The following PTPRD variants were observed in gnomAD, a reference collection of about 807,000 sequenced individuals.
PTPRD encodes the protein receptor-type tyrosine-protein phosphatase delta.
PTPRD carries 34 observed loss-of-function variants against 214.5 expected under a neutral mutation model. The observed-to-expected ratio is 0.16, with a 90% CI of 0.12 to 0.21. The LOEUF is 0.21. Ranked by LOEUF, PTPRD falls within the 10% of genes least tolerant of loss-of-function variation. The pLI, the probability that PTPRD is intolerant of heterozygous loss-of-function variation, is 1.00. For missense variants in PTPRD, 2,545 were observed against 2,398.7 expected, an observed-to-expected ratio of 1.06 and a Z score of -1.27; for synonymous variants, 1,128 against 845.7, an observed-to-expected ratio of 1.33 and a Z score of -5.79.
At chr9:10,001,867 G>A (rs1233288194) in intron 4 of PTPRD, among the ~76,000 whole-genome samples, 3 of 151,974 alleles carry the variant, frequency 2.0e-5, no homozygotes, top group Non-Finnish European at 4.4e-5. Flanking sequence ...AAAGAGTACA[G>A]ACAAACAAAC....
chr9:8,561,691 T>C (rs925608667), intron 14 of PTPRD, among the ~76,000 whole-genome samples: 5 of 151,746 alleles, frequency 3.3e-5, no homozygotes, highest in African/African-American at 4.8e-5. Flanking sequence ...TTCAGTGATA[T>C]ATAAATTCAA....
At chr9:9,231,667 C>T (rs971965316) in intron 9 of PTPRD, among the ~76,000 whole-genome samples, 1 of 151,962 alleles carries the variant, frequency 6.6e-6, no homozygotes. Flanking sequence ...CTTGTAATCT[C>T]TATTAAGTAT....
At chr9:9,889,809 G>GTGTA (rs1456104261) in intron 5 of PTPRD, among the ~76,000 whole-genome samples, 1 of 143,072 alleles carries the variant, frequency 7.0e-6, no homozygotes, top group South Asian at 2.1e-4. Context: ...GTGTGTGTGT[G>GTGTA]TGTATGTGTG....
chr9:9,292,641 T>C (rs575317850), intron 9 of PTPRD, among the ~76,000 whole-genome samples: 115 of 151,592 alleles, frequency 7.6e-4, no homozygotes, highest in Non-Finnish European at 1.3e-3. Context: ...TTATTCAGAT[T>C]GCCTTAGTTA....
At chr9:9,572,459 C>T (rs1237997094) in intron 8 of PTPRD, among the ~76,000 whole-genome samples, 1 of 150,852 alleles carries the variant, frequency 6.6e-6, no homozygotes, top group African/African-American at 2.4e-5. Flanking sequence ...GGCAAGTACA[C>T]ATTTGCAGAA....
At chr9:9,544,393 G>T (rs770806955) in intron 8 of PTPRD, among the ~76,000 whole-genome samples, 1 of 151,354 alleles carries the variant, frequency 6.6e-6, no homozygotes, top group Non-Finnish European at 1.5e-5. Context: ...TTTTAAGTCC[G>T]ACTTCATTTT....
At chr9:9,792,648 G>C (rs1042631656) in intron 5 of PTPRD, among the ~76,000 whole-genome samples, 2 of 152,050 alleles carry the variant, frequency 1.3e-5, no homozygotes, top group African/African-American at 4.8e-5. Flanking sequence ...ACACTCAGTG[G>C]CTTCAAGCTC....
chr9:8,712,029 T>C (rs952404000), intron 12 of PTPRD, among the ~76,000 whole-genome samples: 1 of 152,170 alleles, frequency 6.6e-6, no homozygotes, highest in Admixed American at 6.5e-5. Context: ...AATGAATACA[T>C]AACTATGCAT....
At chr9:9,882,653 C>T (rs1395814552) in intron 5 of PTPRD, among the ~76,000 whole-genome samples, 1 of 152,126 alleles carries the variant, frequency 6.6e-6, no homozygotes, top group Non-Finnish European at 1.5e-5. Flanking sequence ...CTGTTGAATT[C>T]TCCATTTAGG....
intron 12 of PTPRD, among the ~76,000 whole-genome samples, chr9:8,704,758 C>CAAAAAAAAAAAAAAAAA (rs569357894): frequency 7.3e-6 from 1 of 137,886 alleles, no homozygotes. Context: ...ACTAAAAATA[C>CAAAAAAAAAAAAAAAAA]AAAAAAAAAA....
At position 8,389,206 on chromosome 9, in the gene PTPRD, G is replaced by C. The variant is rs145485748; in HGVS notation, c.4386+26C>G. ...GGACTCTGAGGGAAAATTTTTAAAA[G>C]GAAAGAGGTGGATACTTATTCTTAC... On this transcript the variant is annotated intron_variant, in intron 37 of 45. Coordinates refer to ENST00000381196, the MANE Select transcript of PTPRD (RefSeq NM_002839.4). 2.2e-4 allele frequency: 346 copies of C among 1,574,350 alleles called. 2 individuals are homozygous for C. In the Admixed American group the frequency reaches 5.7e-3, roughly 26 times the overall value.
At chr9:9,318,061 CT>C (rs1318315031) in intron 9 of PTPRD, among the ~76,000 whole-genome samples, 2 of 151,918 alleles carry the variant, frequency 1.3e-5, no homozygotes, top group Admixed American at 6.6e-5. Flanking sequence ...ATCCCAGCTA[CT>C]TGGGAAGCTG....
At chr9:10,421,951 G>A (rs941040238) in intron 2 of PTPRD, among the ~76,000 whole-genome samples, 3 of 151,800 alleles carry the variant, frequency 2.0e-5, no homozygotes, top group Non-Finnish European at 4.4e-5. Flanking sequence ...GATTAGTATG[G>A]AGAATGATTT....
intron 5 of PTPRD, among the ~76,000 whole-genome samples, chr9:9,841,465 G>C (rs912978597): frequency 3.9e-5 from 6 of 152,068 alleles, no homozygotes; most frequent in Non-Finnish European, 5.9e-5. Context: ...AATCCATGAA[G>C]AAAATGTATG....
intron 36 of PTPRD, among the ~76,000 whole-genome samples, chr9:8,396,991 C>T (rs186683714): frequency 5.9e-5 from 9 of 152,106 alleles, no homozygotes; most frequent in Admixed American, 1.3e-4. Context: ...CAGTTGCAAA[C>T]GATTAACTTG....
intron 5 of PTPRD, among the ~76,000 whole-genome samples, chr9:9,905,603 T>G (rs2077373934): frequency 6.6e-6 from 1 of 151,290 alleles, no homozygotes; most frequent in African/African-American, 2.5e-5. Flanking sequence ...TACTGGTCCC[T>G]ATTCTCAGAA....
intron 9 of PTPRD, among the ~76,000 whole-genome samples, chr9:9,346,159 C>T (rs2048720568): frequency 6.6e-6 from 1 of 152,110 alleles, no homozygotes; most frequent in Admixed American, 6.6e-5. Context: ...AATATATCTT[C>T]CTAGCCATAT....
chr9:10,379,536 T>C (rs2097783374), intron 2 of PTPRD, among the ~76,000 whole-genome samples: 1 of 152,060 alleles, frequency 6.6e-6, no homozygotes, highest in Admixed American at 6.6e-5. Context: ...TTTTTCAACA[T>C]CATGCAAATA....
chr9:10,428,523 T>C (rs1434667810), intron 2 of PTPRD, among the ~76,000 whole-genome samples: 2 of 152,056 alleles, frequency 1.3e-5, no homozygotes, highest in East Asian at 3.9e-4. Flanking sequence ...TACTTTATAT[T>C]TTAGGGAGAA....
Sources: allele counts gnomAD v4.1 joint callset (sites outside exome capture counted in the v4.1 genomes callset), GRCh38; gene constraint gnomAD v4.1.1; transcripts MANE v1.5; gene names NCBI Gene and HGNC (gene_info 2026-07-23, HGNC 2026-07-21).